SH3BP4: variants seen among roughly 807,000 people sequenced by gnomAD.
SH3BP4 encodes SH3 domain-binding protein 4.
In SH3BP4, 33 loss-of-function variants were observed where a neutral mutation model predicts 65.5. That is an observed-to-expected ratio of 0.50 (90% CI 0.38 to 0.67). The LOEUF (loss-of-function observed/expected upper bound fraction) is 0.67. Among genes scored for constraint, SH3BP4 ranks in the 30% least tolerant of loss-of-function variants. The pLI, the probability that SH3BP4 is intolerant of heterozygous loss-of-function variation, is 0.00. For synonymous variants in SH3BP4, 552 were observed against 545.5 expected (o/e 1.01, Z -0.17); for missense variants, 1,134 against 1,261.4 (o/e 0.90, Z 1.53).
chr2:234,966,326 G>A (rs576636525), intron 1 of SH3BP4, among the ~76,000 whole-genome samples: 37 of 152,240 alleles, frequency 2.4e-4, no homozygotes, highest in Admixed American at 1.2e-3. Context: ...CCGAGATTGC[G>A]CCATTGCACT....
Position 235,052,696 on chromosome 2 carries a change from G to T in SH3BP4, c.2613G>T (p.Gln871His). The T allele has an allele frequency of 1.2e-6, 2 of 1,605,928 alleles. No homozygotes were observed. Among genetic ancestry groups the T allele is most frequent in the Non-Finnish European group, 1.7e-6 (2 of 1,176,636 alleles). ...AEKLAKVSKQ[Q>H]MDAYESPHRD... is the part of the protein sequence containing the mutation. ...AGCTGGCCAAGGTCTCCAAGCAGCA[G>T]ATGGACGCCTACGAGTCTCCCCACC... Residue 871 changes from glutamine to histidine, a missense_variant, in exon 5 of 6, where the codon CAG becomes CAT. Gln to His is a conservative substitution (Grantham distance 24, BLOSUM62 0). Coordinates refer to ENST00000392011, the MANE Select transcript of SH3BP4 (RefSeq NM_014521.3). The surrounding 1 kb of genome is among the most constrained non-coding windows in gnomAD (Gnocchi z 5.0).
chr2:235,053,635 A>G lies in SH3BP4; in HGVS notation c.2711A>G (p.His904Arg), dbSNP rs1300474457. Residue 904 changes from histidine (H) to arginine (R), a missense_variant, in exon 6 of 6, where the codon CAT becomes CGT. By Grantham distance (29) the His-to-Arg change is conservative. Transcript: ENST00000392011. The stretch of plus-strand genomic sequence containing the variant: ...TATGACTTCTTACTCACCTGGAGCC[A>G]TCAGATCGGGGACAGCTACCGGGAT... ...PAYDFLLTWS[H>R]QIGDSYRDVI... 1.2e-6 allele frequency: 2 copies of G among 1,614,162 alleles called. No homozygotes were observed. Among genetic ancestry groups the G allele is most frequent in the Non-Finnish European group, 8.5e-7 (1 of 1,180,024 alleles).
rs1696107505 is a variant in SH3BP4 at position 235,052,897 on chromosome 2, G to T, written c.2667+147G>T. The T allele has an allele frequency of 5.0e-6, 4 of 797,716 alleles. No homozygotes were observed. The South Asian group carries it at 7.5e-5, about 15-fold the overall frequency. 49.4% of individuals were successfully genotyped at this position (797,716 alleles called of 1,614,324 possible). On this transcript the variant is annotated intron_variant, in intron 5 of 5. Transcript: ENST00000392011. The surrounding 1 kb of genome is among the most constrained non-coding windows in gnomAD (Gnocchi z 5.0). ...AATGTGCACGCATGTGCCCAGCACT[G>T]GGTGTGCCTCACTGAGTGGGAGCCA... is the stretch of plus-strand genomic sequence containing the variant.
intron 2 of SH3BP4, among the ~76,000 whole-genome samples, chr2:235,024,945 T>C (rs916725391): frequency 2.6e-5 from 4 of 151,952 alleles, no homozygotes; most frequent in Admixed American, 2.0e-4. Flanking sequence ...GTCAAATGAA[T>C]GGGCCTCTCT....
At chr2:234,996,625 T>C (rs1466417889) in intron 2 of SH3BP4, among the ~76,000 whole-genome samples, 1 of 152,236 alleles carries the variant, frequency 6.6e-6, no homozygotes, top group Non-Finnish European at 1.5e-5. Context: ...GTGGTCTCTT[T>C]GGGCTGCGGT....
At chr2:235,050,299 A>AG (rs1395371278) in intron 4 of SH3BP4, among the ~76,000 whole-genome samples, 3 of 151,782 alleles carry the variant, frequency 2.0e-5, no homozygotes, top group Admixed American at 2.0e-4. Flanking sequence ...TTGTACTTTT[A>AG]GTAGAGACAG....
chr2:235,040,797 C>G (rs1049065573), intron 3 of SH3BP4, 91 bp from the exon 4 acceptor site: 44 of 1,109,962 alleles, frequency 4.0e-5, no homozygotes, highest in Non-Finnish European at 5.7e-5. Context: ...GTGCACCTGT[C>G]TGTTTACCAC....
At position 234,997,048 on chromosome 2, in the gene SH3BP4, G is replaced by A. The variant is rs891978413; in HGVS notation, c.-133+1672G>A. 3.3e-5 allele frequency among the ~76,000 whole-genome samples: 5 copies of A among 152,232 alleles called. No homozygotes were observed. The South Asian group carries it at 6.2e-4, about 19-fold the overall frequency. On this transcript the variant is annotated intron_variant, in intron 2 of 5. Transcript: ENST00000392011. This position sits in a 1 kb window ranked among gnomAD's most constrained non-coding sequence, Gnocchi z 4.2. ...AGCGGTGCCCGCTTGTCTCCGTGGCGGGCACACAGGCTTCCGGGAGCCCGG... is the reference window on the plus strand; with the variant it reads ...AGCGGTGCCCGCTTGTCTCCGTGGCAGGCACACAGGCTTCCGGGAGCCCGG...
At position 234,967,174 on chromosome 2, in the gene SH3BP4, T is replaced by G. The variant is rs1692857848; in HGVS notation, c.-207+15004T>G. 6.6e-6 allele frequency among the ~76,000 whole-genome samples: 1 copy of G among 152,178 alleles called. No homozygotes were observed. Among genetic ancestry groups the G allele is most frequent in the South Asian group, 2.1e-4 (1 of 4,820 alleles). On this transcript the variant is annotated intron_variant, in intron 1 of 5. Coordinates refer to ENST00000392011, the MANE Select transcript of SH3BP4 (RefSeq NM_014521.3). This position sits in a 1 kb window ranked among gnomAD's most constrained non-coding sequence, Gnocchi z 4.6. ...GCTGGGAAGTGCAGAAGCCAGGAGT[T>G]AAGTCCAGGCTGTCTCAACCATGAT...
At chr2:234,970,211 C>T (rs1263744880) in intron 1 of SH3BP4, among the ~76,000 whole-genome samples, 1 of 152,200 alleles carries the variant, frequency 6.6e-6, no homozygotes, top group Non-Finnish European at 1.5e-5. Context: ...TTGGTCAGAA[C>T]TCAAAACATT....
intron 2 of SH3BP4, among the ~76,000 whole-genome samples, chr2:235,010,955 G>A (rs749535083): frequency 2.4e-4 from 36 of 147,980 alleles, no homozygotes; most frequent in Non-Finnish European, 4.3e-4. Context: ...CTCTCTCCTA[G>A]AACCCTTCTT....
chr2:234,980,630 C>T lies in SH3BP4; in HGVS notation c.-206-14673C>T, dbSNP rs558741538. On this transcript the variant is annotated intron_variant, in intron 1 of 5. Transcript: ENST00000392011. ...CGTGCAAATGTTTATCTAGGGAGTG[C>T]GGCTGGGCCTTGGCTGCCAGTCCAG... Among the ~76,000 whole-genome samples, 8 of 152,312 alleles carry T rather than the reference C, an allele frequency of 5.3e-5. No individual in the cohort carries two copies. The East Asian group carries it at 5.8e-4, about 11-fold the overall frequency.
chr2:235,048,497 A>ATT (rs59151071), intron 4 of SH3BP4, among the ~76,000 whole-genome samples: 11 of 142,538 alleles, frequency 7.7e-5, no homozygotes, highest in Admixed American at 2.1e-4. Context: ...CACCCAGCTA[A>ATT]TTTTTTTTTT....
rs1443555548 is a variant in SH3BP4, at chr2:235,006,275, T to C, written c.-133+10899T>C. 2.6e-5 allele frequency among the ~76,000 whole-genome samples: 4 copies of C among 152,214 alleles called. No individual in the cohort carries two copies. The South Asian group carries it at 8.3e-4, about 31-fold the overall frequency. On this transcript the variant is annotated intron_variant, in intron 2 of 5. Coordinates refer to ENST00000392011, the MANE Select transcript of SH3BP4 (RefSeq NM_014521.3). ...ATTTTTTCTTTCCTGCCCTTTTCCT[T>C]TGGGCTGAGCGTGAGTGTGTTCAGA...
chr2:235,008,348 G>A (rs1161093943), intron 2 of SH3BP4, among the ~76,000 whole-genome samples: 2 of 152,202 alleles, frequency 1.3e-5, no homozygotes, highest in East Asian at 3.9e-4. Context: ...GCTCTGGGCT[G>A]CAGCCTCCCT....
chr2:234,957,306 A>T (rs1692610149), intron 1 of SH3BP4, among the ~76,000 whole-genome samples: 2 of 152,216 alleles, frequency 1.3e-5, no homozygotes, highest in South Asian at 4.1e-4. Context: ...GATGCAAGCC[A>T]CCATGCCCAG....
At chr2:234,995,808 A>G (rs1693897069) in intron 2 of SH3BP4, 1 of 152,350 alleles carries the variant, frequency 6.6e-6, no homozygotes, top group African/African-American at 2.4e-5. Flanking sequence ...GTGTGTACAC[A>G]AAGGAGGGAT....
chr2:235,048,263 AAGC>A (rs1427295388), intron 4 of SH3BP4, among the ~76,000 whole-genome samples: 2 of 152,214 alleles, frequency 1.3e-5, no homozygotes, highest in Admixed American at 6.5e-5. Flanking sequence ...GTTGGGAAGG[AAGC>A]AGGATGGAAT....
In SH3BP4 at chr2:235,000,810, A is replaced by G. The variant is rs567061806; in HGVS notation, c.-133+5434A>G. Among the ~76,000 whole-genome samples, 5 of 152,316 alleles carry G rather than the reference A, an allele frequency of 3.3e-5. No homozygotes were observed. The South Asian group carries it at 1.0e-3, about 32-fold the overall frequency. ...CTACCCGCTATCTGGTGCCCCACAC[A>G]CTGGGGCCTGTCCCCACTGCCAGCA... On this transcript the variant is annotated intron_variant, in intron 2 of 5. Transcript: ENST00000392011.
Sources: allele counts gnomAD v4.1 joint callset (sites outside exome capture counted in the v4.1 genomes callset), GRCh38; gene constraint gnomAD v4.1.1; non-coding constraint Gnocchi (gnomAD v3.1); transcripts MANE v1.5; gene names NCBI Gene and HGNC (gene_info 2026-07-23, HGNC 2026-07-21).